DOK6: variants seen among roughly 807,000 people sequenced by gnomAD.
DOK6 encodes docking protein 6, also known as downstream of tyrosine kinase 6.
In DOK6, 22 loss-of-function variants were observed where a neutral mutation model predicts 44.0. That is an observed-to-expected ratio of 0.50 (90% CI 0.36 to 0.71). The LOEUF (loss-of-function observed/expected upper bound fraction) is 0.71. Among genes scored for constraint, DOK6 ranks in the 30% least tolerant of loss-of-function variants. The pLI is 0.00. For synonymous variants in DOK6, 166 were observed against 145.5 expected (o/e 1.14, Z -1.01); for missense variants, 340 against 416.4 (o/e 0.82, Z 1.60).
At chr18:69,506,631 GTTTA>G (rs904763385) in intron 1 of DOK6, among the ~76,000 whole-genome samples, 6 of 151,996 alleles carry the variant, frequency 3.9e-5, no homozygotes, top group South Asian at 4.1e-4. Flanking sequence ...ACCTATCACA[GTTTA>G]TTTATTTACT....
At chr18:69,527,493 G>A (rs868829468) in intron 1 of DOK6, among the ~76,000 whole-genome samples, 2 of 152,174 alleles carry the variant, frequency 1.3e-5, no homozygotes, top group Non-Finnish European at 1.5e-5. Context: ...CATCAGAACA[G>A]CATGGTGGTA....
chr18:69,605,076 T>TTGTG (rs71176987), intron 3 of DOK6, among the ~76,000 whole-genome samples: 12,391 of 125,572 alleles, frequency 0.099, 643 homozygotes, highest in Admixed American at 0.15. Context: ...AGAGATCCCT[T>TTGTG]TGTGTGTGTG....
intron 3 of DOK6, among the ~76,000 whole-genome samples, chr18:69,621,935 AT>A (rs1188712955): frequency 6.6e-6 from 1 of 152,194 alleles, no homozygotes; most frequent in Non-Finnish European, 1.5e-5. Flanking sequence ...ATTCTGATAT[AT>A]TTATTGTACT....
intron 3 of DOK6, among the ~76,000 whole-genome samples, chr18:69,612,796 A>G (rs1397707423): frequency 6.6e-6 from 1 of 152,198 alleles, no homozygotes; most frequent in Non-Finnish European, 1.5e-5. Flanking sequence ...TAATACCTGA[A>G]TTAGTAAAAT....
At chr18:69,664,330 T>A (rs1335352292) in intron 3 of DOK6, among the ~76,000 whole-genome samples, 1 of 152,242 alleles carries the variant, frequency 6.6e-6, no homozygotes, top group Non-Finnish European at 1.5e-5. Flanking sequence ...TATTATAGGT[T>A]CTCATTTGAT....
intron 7 of DOK6, among the ~76,000 whole-genome samples, chr18:69,806,845 G>A (rs561392660): frequency 2.6e-5 from 4 of 151,972 alleles, no homozygotes; most frequent in Non-Finnish European, 4.4e-5. Flanking sequence ...ATGTAAACAC[G>A]ATCCAATCAA....
chr18:69,412,941 G>A (rs912124332), intron 1 of DOK6, among the ~76,000 whole-genome samples: 2 of 152,042 alleles, frequency 1.3e-5, no homozygotes, highest in Non-Finnish European at 2.9e-5. Flanking sequence ...CACAGGGGAG[G>A]AGAGACTAGT....
chr18:69,676,078 G>A (rs1011376453), intron 3 of DOK6, among the ~76,000 whole-genome samples: 7 of 152,210 alleles, frequency 4.6e-5, no homozygotes, highest in African/African-American at 1.7e-4. Flanking sequence ...CTCCACTCAA[G>A]TGAGGGAACC....
intron 1 of DOK6, among the ~76,000 whole-genome samples, chr18:69,480,659 T>C (rs541830020): frequency 6.6e-6 from 1 of 152,264 alleles, no homozygotes; most frequent in East Asian, 1.9e-4. Context: ...GCGTTCTGCT[T>C]TTTGAAGGCG....
intron 7 of DOK6, among the ~76,000 whole-genome samples, chr18:69,776,649 C>G (rs1980075943): frequency 6.6e-6 from 1 of 151,986 alleles, no homozygotes; most frequent in Non-Finnish European, 1.5e-5. Context: ...AACATCAATA[C>G]TAAAGACATC....
intron 1 of DOK6, chr18:69,469,847 C>T (rs184739042): frequency 1.3e-3 from 278 of 221,080 alleles, no homozygotes; most frequent in African/African-American, 6.2e-3. Flanking sequence ...GCAGCTGCCC[C>T]TTTAAGGACT....
chr18:69,597,423 C>T (rs1264190374), intron 2 of DOK6, among the ~76,000 whole-genome samples: 1 of 152,162 alleles, frequency 6.6e-6, no homozygotes, highest in South Asian at 2.1e-4. Context: ...TATTGTTGCT[C>T]TTTAAAGATA....
Position 69,757,924 on chromosome 18 carries a change from T to C in DOK6, c.856+51T>C, listed in dbSNP as rs370761236. The C allele has an allele frequency of 2.0e-6, 3 of 1,476,932 alleles. No homozygotes were observed. The African/African-American group carries it at 4.2e-5, about 20-fold the overall frequency. 91.5% of individuals were successfully genotyped at this position (1,476,932 alleles called of 1,614,324 possible). On this transcript the variant is annotated intron_variant, in intron 7 of 7. Coordinates refer to ENST00000382713, the MANE Select transcript of DOK6 (RefSeq NM_152721.6). ...AGTGCCTCCATAAGCTTCCTCCAGGTGGACTGAGTCATGCAAATTGCTTTG... is the reference window on the plus strand; with the variant it reads ...AGTGCCTCCATAAGCTTCCTCCAGGCGGACTGAGTCATGCAAATTGCTTTG...
Position 69,461,493 on chromosome 18 carries a change from G to T in DOK6, c.66+60183G>T, listed in dbSNP as rs575354993. On this transcript the variant is annotated intron_variant, in intron 1 of 7. Transcript: ENST00000382713. Reference sequence around the variant, plus strand: ...TAAATTCCCTTTATTCATCTCATCTGCTTACGGTGGAGCACATATCCCTAT... The same window carrying T: ...TAAATTCCCTTTATTCATCTCATCTTCTTACGGTGGAGCACATATCCCTAT... Among the ~76,000 whole-genome samples, 137 of 152,148 alleles carry T rather than the reference G, an allele frequency of 9.0e-4. 1 individual carries two copies. The highest frequency in any genetic ancestry group is 3.4e-3 in the Middle Eastern group (1 of 294).
At chr18:69,548,319 A>G (rs1982466622) in intron 1 of DOK6, among the ~76,000 whole-genome samples, 1 of 151,376 alleles carries the variant, frequency 6.6e-6, no homozygotes, top group Non-Finnish European at 1.5e-5. Context: ...ACATCTTGCT[A>G]TTGTGAACAG....
intron 1 of DOK6, among the ~76,000 whole-genome samples, chr18:69,532,585 G>T (rs1321796853): frequency 6.6e-6 from 1 of 152,204 alleles, no homozygotes; most frequent in East Asian, 1.9e-4. Flanking sequence ...TGGAAGGCAG[G>T]TGTGGTGGCC....
chr18:69,475,256 A>G (rs1267826046), intron 1 of DOK6, among the ~76,000 whole-genome samples: 2 of 152,214 alleles, frequency 1.3e-5, no homozygotes, highest in Non-Finnish European at 2.9e-5. Flanking sequence ...TCACAGAGTA[A>G]AGTTGGAAAA....
chr18:69,735,814 A>G (rs1294433828), intron 5 of DOK6, among the ~76,000 whole-genome samples: 1 of 152,242 alleles, frequency 6.6e-6, no homozygotes, highest in East Asian at 1.9e-4. Flanking sequence ...AAGGCCCCAG[A>G]AATCAAATCC....
At chr18:69,768,954 C>T (rs12606196) in intron 7 of DOK6, among the ~76,000 whole-genome samples, 5,378 of 142,648 alleles carry the variant, frequency 0.038, 268 homozygotes, top group African/African-American at 0.12. Flanking sequence ...GAAGGGTGTG[C>T]GTGTGTGTGT....
Sources: gnomAD v4.1 joint callset for allele counts (sites outside exome capture counted in the v4.1 genomes callset) on GRCh38, gnomAD v4.1.1 for gene constraint, MANE v1.5 for transcripts, NCBI Gene and HGNC (gene_info 2026-07-23, HGNC 2026-07-21) for gene names.